Variants in PLCB1 observed in about 807,000 individuals in gnomAD.
PLCB1 encodes the protein phospholipase C beta 1.
In PLCB1, 46 loss-of-function variants were observed where a neutral mutation model predicts 161.8. The ratio of observed to expected loss-of-function variants is 0.28; its 90% CI spans 0.22 to 0.36. The LOEUF is 0.36. PLCB1 is among the 10% of genes least tolerant of loss of function. PLCB1 has a pLI of 1.00. For synonymous variants in PLCB1, 517 were observed against 503.7 expected (o/e 1.03, Z -0.35); for missense variants, 1,016 against 1,472.5 (o/e 0.69, Z 5.07).
At position 8,760,431 on chromosome 20, in the gene PLCB1, C is replaced by T. The variant is rs1568588270; in HGVS notation, c.2681C>T (p.Thr894Ile). The T allele has an allele frequency of 6.2e-7, 1 of 1,610,968 alleles. No individual in the cohort carries two copies. Among genetic ancestry groups the T allele is most frequent in the Non-Finnish European group, 8.5e-7 (1 of 1,177,420 alleles). ...APGSVKAPAK[T>I]EDLIQSVLTE... ...GGTTCTGTAAAGGCACCTGCCAAAA[C>T]AGAAGATCTTATTCAGAGTGTCTTA... The change falls in exon 25 of 32, where the codon ACA (threonine) becomes ATA (isoleucine). Residue 894 changes from threonine to isoleucine, a missense_variant. By Grantham distance (89) the Thr-to-Ile change is moderately conservative (BLOSUM62 -1). Transcript: ENST00000338037.
rs954556155 is a variant in PLCB1 at position 8,385,764 on chromosome 20, C to T, written c.246+14314C>T. 4.6e-5 allele frequency among the ~76,000 whole-genome samples: 7 copies of T among 152,328 alleles called. 1 individual carries two copies. The South Asian group carries it at 1.2e-3, about 27-fold the overall frequency. ...CTCCCTTGGCTGGGGGGTGAGGGCT[C>T]CCCTCTCCCATGTGGCTCTCAGGTG... On this transcript the variant is annotated intron_variant, in intron 3 of 31. Transcript: ENST00000338037.
intron 6 of PLCB1, 139 bp from the exon 7 acceptor site, chr20:8,649,235 G>A: frequency 3.4e-6 from 2 of 592,288 alleles, no homozygotes; most frequent in Middle Eastern, 5.6e-4. Flanking sequence ...ATGCATGGAG[G>A]AATGGTTATC....
chr20:8,698,594 G>T (rs1180598844), intron 11 of PLCB1, among the ~76,000 whole-genome samples: 1 of 152,128 alleles, frequency 6.6e-6, no homozygotes, highest in Non-Finnish European at 1.5e-5. Flanking sequence ...TGGTCAAGTT[G>T]GGTTTGTTTG....
At chr20:8,518,834 G>A (rs183365963) in intron 3 of PLCB1, among the ~76,000 whole-genome samples, 1 of 151,886 alleles carries the variant, frequency 6.6e-6, no homozygotes, top group African/African-American at 2.4e-5. Flanking sequence ...TTGTTTTCCT[G>A]CAACTAGATG....
intron 14 of PLCB1, among the ~76,000 whole-genome samples, chr20:8,720,005 G>A (rs1448644424): frequency 3.9e-5 from 6 of 152,170 alleles, no homozygotes; most frequent in South Asian, 4.2e-4. Context: ...TTTTGAATGT[G>A]TACTTTCATC....
At chr20:8,292,528 CT>C (rs1190924274) in intron 2 of PLCB1, among the ~76,000 whole-genome samples, 2 of 152,046 alleles carry the variant, frequency 1.3e-5, no homozygotes, top group African/African-American at 4.8e-5. Context: ...TGTACCTAAC[CT>C]TATAGGTTCA....
intron 3 of PLCB1, among the ~76,000 whole-genome samples, chr20:8,568,434 A>G (rs1356857669): frequency 6.6e-6 from 1 of 152,168 alleles, no homozygotes; most frequent in Non-Finnish European, 1.5e-5. Flanking sequence ...GGAGAAAAAA[A>G]TTTGTACTTT....
chr20:8,256,456 C>T (rs1037110030), intron 2 of PLCB1, among the ~76,000 whole-genome samples: 1 of 152,042 alleles, frequency 6.6e-6, no homozygotes, highest in African/African-American at 2.4e-5. Flanking sequence ...GTTCAAAGGG[C>T]AAAGACAGGG....
chr20:8,846,803 G>A (rs1986705626), intron 31 of PLCB1, among the ~76,000 whole-genome samples: 1 of 152,290 alleles, frequency 6.6e-6, no homozygotes, highest in African/African-American at 2.4e-5. Flanking sequence ...GGGCAAGTCT[G>A]CTTCCATACA....
intron 2 of PLCB1, among the ~76,000 whole-genome samples, chr20:8,299,405 C>A (rs1420963143): frequency 2.0e-5 from 3 of 152,136 alleles, no homozygotes; most frequent in Admixed American, 1.3e-4. Context: ...CACACACACA[C>A]ACGTAGACAC....
chr20:8,313,198 A>C (rs1984487283), intron 2 of PLCB1, among the ~76,000 whole-genome samples: 1 of 152,210 alleles, frequency 6.6e-6, no homozygotes, highest in African/African-American at 2.4e-5. Flanking sequence ...GCTGTGTAAC[A>C]AACTATCTCA....
At chr20:8,225,696 A>G (rs1238526458) in intron 2 of PLCB1, among the ~76,000 whole-genome samples, 1 of 152,204 alleles carries the variant, frequency 6.6e-6, no homozygotes, top group Non-Finnish European at 1.5e-5. Flanking sequence ...TCATCTGAAG[A>G]AATTCATCAC....
intron 27 of PLCB1, among the ~76,000 whole-genome samples, chr20:8,777,236 T>C (rs552023415): frequency 6.6e-6 from 1 of 152,216 alleles, no homozygotes; most frequent in East Asian, 1.9e-4. Context: ...GAGCAGAGGA[T>C]TGATGTGATC....
At chr20:8,343,041 T>C (rs2122229138) in intron 2 of PLCB1, among the ~76,000 whole-genome samples, 1 of 152,282 alleles carries the variant, frequency 6.6e-6, no homozygotes, top group South Asian at 2.1e-4. Flanking sequence ...GCCCAAAACA[T>C]TCCTCCAGTC....
At chr20:8,553,550 G>T (rs2122999710) in intron 3 of PLCB1, among the ~76,000 whole-genome samples, 1 of 152,140 alleles carries the variant, frequency 6.6e-6, no homozygotes, top group Non-Finnish European at 1.5e-5. Flanking sequence ...GCTCGTATTT[G>T]TACACATACA....
chr20:8,856,889 G>T (rs1380041142), intron 31 of PLCB1, among the ~76,000 whole-genome samples: 2 of 152,186 alleles, frequency 1.3e-5, no homozygotes, highest in Non-Finnish European at 1.5e-5. Flanking sequence ...AAACTCAGGG[G>T]CCTAAAACAA....
At chr20:8,799,627 C>T (rs762895807) in intron 31 of PLCB1, among the ~76,000 whole-genome samples, 1 of 151,974 alleles carries the variant, frequency 6.6e-6, no homozygotes, top group Non-Finnish European at 1.5e-5. Flanking sequence ...TTTCTAGAAA[C>T]CAATAGCTGA....
chr20:8,414,998 A>G (rs1380137230), intron 3 of PLCB1, among the ~76,000 whole-genome samples: 2 of 152,158 alleles, frequency 1.3e-5, no homozygotes, highest in South Asian at 2.1e-4. Flanking sequence ...CCCTAGAGCA[A>G]TGTTCACTTG....
intron 3 of PLCB1, among the ~76,000 whole-genome samples, chr20:8,521,910 C>T (rs530662362): frequency 1.3e-5 from 2 of 152,160 alleles, no homozygotes; most frequent in Non-Finnish European, 2.9e-5. Context: ...TTCGGGAGTG[C>T]AAACTATATT....
Sources: gnomAD v4.1 joint callset for allele counts (sites outside exome capture counted in the v4.1 genomes callset) on GRCh38, gnomAD v4.1.1 for gene constraint, MANE v1.5 for transcripts, NCBI Gene and HGNC (gene_info 2026-07-23, HGNC 2026-07-21) for gene names.